The following TEK variants were observed in gnomAD, a reference collection of about 807,000 sequenced individuals.
TEK encodes TEK receptor tyrosine kinase.
Under a neutral mutation model 131.8 loss-of-function variants are expected in TEK, and 43 were observed. That is an observed-to-expected ratio of 0.33 (90% confidence interval 0.26 to 0.42). The LOEUF (loss-of-function observed/expected upper bound fraction) is 0.42, where lower values mean the gene tolerates loss of function less well. TEK is among the 10% of genes least tolerant of loss of function. The pLI is 1.00. For synonymous variants in TEK, 580 were observed against 491.6 expected, an observed-to-expected ratio of 1.18 and a Z score of -2.38; for missense variants, 1,162 against 1,384.4, an observed-to-expected ratio of 0.84 and a Z score of 2.55.
At chr9:27,121,452 A>AT (rs920886668) in intron 1 of TEK, among the ~76,000 whole-genome samples, 5 of 149,530 alleles carry the variant, frequency 3.3e-5, no homozygotes, top group Admixed American at 2.0e-4. Context: ...TCATAAATAA[A>AT]TTTTTTTTTT....
chr9:27,186,720 C>T (rs1242749196), intron 9 of TEK, among the ~76,000 whole-genome samples: 2 of 152,168 alleles, frequency 1.3e-5, no homozygotes, highest in Non-Finnish European at 2.9e-5. Flanking sequence ...TGTGAGGTGA[C>T]CAAAGTTGAT....
intron 2 of TEK, among the ~76,000 whole-genome samples, chr9:27,164,119 G>T (rs1823638683): frequency 1.3e-5 from 2 of 152,090 alleles, no homozygotes; most frequent in African/African-American, 4.8e-5. Context: ...GAGATTCCTT[G>T]GTTCAAATCC....
Position 27,218,771 on chromosome 9 carries a change from C to G in TEK, c.3063-6C>G. On this transcript the variant is annotated splice_region_variant and splice_polypyrimidine_tract_variant and intron_variant, in intron 19 of 22. Coordinates refer to ENST00000380036, the MANE Select transcript of TEK (RefSeq NM_000459.5). ...ATTGTTGGTTTCACACTTGTCCCTC[C>G]TGCAGATGGTCCTATGGTGTGTTAC... 1 of 1,614,024 alleles carries G rather than the reference C, an allele frequency of 6.2e-7. No homozygotes were observed. The highest frequency in any genetic ancestry group is 1.3e-5 in the African/African-American group (1 of 75,030).
chr9:27,221,563 G>A (rs765632348), intron 21 of TEK, among the ~76,000 whole-genome samples: 1 of 152,188 alleles, frequency 6.6e-6, no homozygotes, highest in Admixed American at 6.5e-5. Flanking sequence ...CCTCTGGGAT[G>A]AACCCAGGCA....
At chr9:27,115,547 T>A (rs995857816) in intron 1 of TEK, among the ~76,000 whole-genome samples, 3 of 152,054 alleles carry the variant, frequency 2.0e-5, no homozygotes, top group Non-Finnish European at 2.9e-5. Flanking sequence ...CATAAATATT[T>A]AATTAAATGT....
At chr9:27,114,202 A>G (rs779837987) in intron 1 of TEK, among the ~76,000 whole-genome samples, 15 of 152,234 alleles carry the variant, frequency 9.9e-5, no homozygotes, top group Non-Finnish European at 1.6e-4. Context: ...TCACAGTAAG[A>G]AAATGTTGGT....
At chr9:27,190,250 C>T (rs756347628) in intron 9 of TEK, among the ~76,000 whole-genome samples, 4 of 151,942 alleles carry the variant, frequency 2.6e-5, no homozygotes, top group Admixed American at 6.6e-5. Context: ...TGGCTGGTCA[C>T]GATATGAATT....
chr9:27,183,258 G>A (rs1439699983), intron 7 of TEK, among the ~76,000 whole-genome samples: 3 of 152,174 alleles, frequency 2.0e-5, no homozygotes, highest in African/African-American at 7.2e-5. Flanking sequence ...AATCTGGGCT[G>A]TGAGCCTCTG....
chr9:27,126,565 G>T (rs1262250206), intron 1 of TEK, among the ~76,000 whole-genome samples: 2 of 152,080 alleles, frequency 1.3e-5, no homozygotes, highest in Non-Finnish European at 2.9e-5. Flanking sequence ...AAATGATGAG[G>T]ATACACTGTA....
intron 1 of TEK, among the ~76,000 whole-genome samples, chr9:27,146,931 G>A (rs186369294): frequency 1.2e-4 from 18 of 151,922 alleles, no homozygotes; most frequent in African/African-American, 2.7e-4. Context: ...GGGTTTCACC[G>A]TGTTAGCCAG....
chr9:27,112,996 C>A (rs1040056347), intron 1 of TEK, among the ~76,000 whole-genome samples: 1 of 152,118 alleles, frequency 6.6e-6, no homozygotes, highest in African/African-American at 2.4e-5. Flanking sequence ...GTTGTATTAG[C>A]AGAAATATGA....
chr9:27,207,753 T>C (rs921982483), intron 15 of TEK, among the ~76,000 whole-genome samples: 3 of 152,128 alleles, frequency 2.0e-5, no homozygotes, highest in Admixed American at 6.5e-5. Flanking sequence ...AGATTTTTCT[T>C]TTTTTTTGGA....
Position 27,229,164 on chromosome 9 carries a change from G to A in TEK, c.3307G>A (p.Val1103Met). The A allele has an allele frequency of 1.9e-6, 3 of 1,613,712 alleles. No homozygotes were observed. Among genetic ancestry groups the A allele is most frequent in the Non-Finnish European group, 1.7e-6 (2 of 1,179,682 alleles). The change falls in exon 23 of 23, where the codon GTG becomes ATG. Residue 1103 changes from valine (V) to methionine (M), a missense_variant. This residue lies in a region of TEK where 84 missense variants were observed against 80.3 expected (regional missense o/e 1.05). Transcript: ENST00000380036. ...NRMLEERKTY[V>M]NTTLYEKFTY... ...ACCATTTTCATTCTTCCAGACCTAC[G>A]TGAATACCACGCTTTATGAGAAGTT...
chr9:27,124,652 T>G (rs1363438906), intron 1 of TEK, among the ~76,000 whole-genome samples: 1 of 152,226 alleles, frequency 6.6e-6, no homozygotes, highest in Non-Finnish European at 1.5e-5. Context: ...TAACAACTAC[T>G]AGCTTTGCAC....
chr9:27,124,911 G>A (rs897278001), intron 1 of TEK, among the ~76,000 whole-genome samples: 11 of 152,138 alleles, frequency 7.2e-5, no homozygotes, highest in African/African-American at 2.4e-4. Flanking sequence ...GGTTGACTTC[G>A]CAGATTGGCC....
Position 27,209,188 on chromosome 9 carries a change from C to T in TEK, c.2643C>T (p.His881=). ...GELEVLCKLG[H]HPNIINLLGA... Reference sequence around the variant, plus strand: ...TGGAAGTTCTTTGTAAACTTGGACACCATCCAAACATCATCAATCTCTTAG... The same window carrying T: ...TGGAAGTTCTTTGTAAACTTGGACATCATCCAAACATCATCAATCTCTTAG... Residue 881 remains histidine, a synonymous_variant, in exon 16 of 23, where the codon CAC becomes CAT. Coordinates refer to ENST00000380036, the MANE Select transcript of TEK (RefSeq NM_000459.5). 1 of 1,614,012 alleles carries T rather than the reference C, an allele frequency of 6.2e-7. No individual in the cohort carries two copies. Among genetic ancestry groups the T allele is most frequent in the Non-Finnish European group, 8.5e-7 (1 of 1,179,908 alleles).
At chr9:27,170,054 G>C (rs976600857) in intron 4 of TEK, among the ~76,000 whole-genome samples, 5 of 152,300 alleles carry the variant, frequency 3.3e-5, no homozygotes, top group African/African-American at 1.2e-4. Context: ...CATGGCAAAA[G>C]AGGAAGCAAA....
intron 21 of TEK, among the ~76,000 whole-genome samples, chr9:27,221,449 GTCCCTGACCCGACCCCTGTGC>G (rs1826075254): frequency 7.2e-6 from 1 of 138,746 alleles, no homozygotes. Flanking sequence ...CCTCATGTGG[GTCCCTGACCCGACCCCTGTGC>G]TCCCTGACTG....
intron 4 of TEK, among the ~76,000 whole-genome samples, 158 bp from the exon 5 acceptor site, chr9:27,172,452 ATGTCTG>A (rs1184751740): frequency 6.6e-6 from 1 of 152,180 alleles, no homozygotes; most frequent in Non-Finnish European, 1.5e-5. Context: ...TCCTGTTTAC[ATGTCTG>A]TCTCCCATAT....
Sources: allele counts gnomAD v4.1 joint callset (sites outside exome capture counted in the v4.1 genomes callset), GRCh38; gene constraint gnomAD v4.1.1; regional missense constraint gnomAD v4.1.1; transcripts MANE v1.5; gene names NCBI Gene and HGNC (gene_info 2026-07-23, HGNC 2026-07-21).